Variants in ZNF267 observed in about 807,000 individuals in gnomAD.
ZNF267 encodes the protein zinc finger protein 267.
A neutral mutation model predicts 71.6 loss-of-function variants in ZNF267; 61 were observed. The ratio of observed to expected loss-of-function variants is 0.85; its 90% CI spans 0.69 to 1.05. The LOEUF (loss-of-function observed/expected upper bound fraction) is 1.05. Among genes scored for constraint, ZNF267 ranks in the 50% least tolerant of loss-of-function variants. The pLI is 0.00. For synonymous variants in ZNF267, 288 were observed against 293.2 expected (o/e 0.98, Z 0.18); for missense variants, 852 against 870.0 (o/e 0.98, Z 0.26).
In ZNF267 at chr16:31,914,668, A is replaced by G; in HGVS notation, c.419A>G (p.Asp140Gly). ...AAGACTTTTAAATATGATCAATTTG[A>G]TGAATCCTCTGTTGAAAGTTTGTTT... ...DEKTFKYDQFDESSVESLFHQ... is the reference protein window; with the variant it reads ...DEKTFKYDQFGESSVESLFHQ... The change falls in exon 4 of 4, where the codon GAT becomes GGT. Residue 140 changes from aspartate (D) to glycine (G), a missense_variant. Transcript: ENST00000300870. The G allele has an allele frequency of 2.5e-6, 4 of 1,614,072 alleles. No homozygotes were observed. Among genetic ancestry groups the G allele is most frequent in the Non-Finnish European group, 2.5e-6 (3 of 1,180,000 alleles).
At chr16:31,875,901 A>G (rs1596611863) in intron 1 of ZNF267, among the ~76,000 whole-genome samples, 1 of 152,224 alleles carries the variant, frequency 6.6e-6, no homozygotes. Context: ...GTCATACTTC[A>G]TTGTTAAAAA....
At chr16:31,887,325 T>G (rs1349041127) in intron 3 of ZNF267, among the ~76,000 whole-genome samples, 1 of 152,042 alleles carries the variant, frequency 6.6e-6, no homozygotes, top group Non-Finnish European at 1.5e-5. Context: ...ATCAGATCTA[T>G]TTTCTCCCAG....
chr16:31,908,063 A>C (rs1432966786), intron 3 of ZNF267, among the ~76,000 whole-genome samples: 1 of 151,974 alleles, frequency 6.6e-6, no homozygotes, highest in Non-Finnish European at 1.5e-5. Context: ...AATAATACTA[A>C]TAATAAATAC....
Position 31,916,746 on chromosome 16 carries a change from T to A in ZNF267, c.*265T>A, listed in dbSNP as rs1196466651. ...ACTATAGATGTAAAAATGTGAAAAG[T>A]TTTATTCAAAATATCAAACTTATGA... On this transcript the variant is annotated 3_prime_UTR_variant, in exon 4 of 4. Coordinates refer to ENST00000300870, the MANE Select transcript of ZNF267 (RefSeq NM_003414.6). 2.8e-6 allele frequency: 1 copy of A among 359,024 alleles called. No homozygotes were observed. The highest frequency in any genetic ancestry group is 4.9e-5 in the East Asian group (1 of 20,272). 22.2% of individuals were successfully genotyped at this position (359,024 alleles called of 1,614,324 possible). A position where few individuals can be genotyped will look rare whatever the true frequency, so the allele number is the denominator to read the frequency against.
At chr16:31,874,692 T>A (rs984584678) in intron 1 of ZNF267, among the ~76,000 whole-genome samples, 6 of 152,228 alleles carry the variant, frequency 3.9e-5, no homozygotes, top group Non-Finnish European at 7.3e-5. Context: ...CACTTCCGTA[T>A]AATCGCCTGC....
chr16:31,915,793 C>G lies in ZNF267; in HGVS notation c.1544C>G (p.Thr515Ser), dbSNP rs770747607. ...CTTACTCAACATCGGAAAATTCATA[C>G]TGGAGAAAATCTTTACAAATGCAAA... ...SCLTQHRKIHTGENLYKCKVC... is the reference protein window; with the variant it reads ...SCLTQHRKIHSGENLYKCKVC... The change falls in exon 4 of 4, where the codon ACT becomes AGT. Residue 515 changes from threonine to serine, a missense_variant. Thr to Ser is a moderately conservative substitution (Grantham distance 58). Coordinates refer to ENST00000300870, the MANE Select transcript of ZNF267 (RefSeq NM_003414.6). 2 of 1,613,228 alleles carry G rather than the reference C, an allele frequency of 1.2e-6. No homozygotes were observed. The highest frequency in any genetic ancestry group is 1.3e-5 in the African/African-American group (1 of 75,016).
chr16:31,893,671 G>T (rs1168787067), intron 3 of ZNF267, among the ~76,000 whole-genome samples: 1 of 152,196 alleles, frequency 6.6e-6, no homozygotes, highest in East Asian at 1.9e-4. Context: ...TGCCTTCAGG[G>T]ATGTCTCAGG....
intron 3 of ZNF267, among the ~76,000 whole-genome samples, chr16:31,909,984 A>G (rs941612936): frequency 6.6e-5 from 10 of 152,116 alleles, no homozygotes; most frequent in African/African-American, 2.2e-4. Flanking sequence ...AGGATGTTGA[A>G]TTTTATTAAA....
chr16:31,879,548 T>C (rs2083875667), intron 1 of ZNF267, among the ~76,000 whole-genome samples: 2 of 152,226 alleles, frequency 1.3e-5, no homozygotes, highest in South Asian at 4.1e-4. Context: ...GTACGATGCC[T>C]GTAAGACTTC....
At chr16:31,911,562 G>A (rs1448851140) in intron 3 of ZNF267, among the ~76,000 whole-genome samples, 1 of 151,298 alleles carries the variant, frequency 6.6e-6, no homozygotes, top group Non-Finnish European at 1.5e-5. Context: ...CTTTATAGAT[G>A]AAGTGTATTT....
intron 3 of ZNF267, among the ~76,000 whole-genome samples, chr16:31,887,929 A>G (rs1039385418): frequency 5.3e-5 from 8 of 152,156 alleles, no homozygotes; most frequent in African/African-American, 1.4e-4. Context: ...TAAAATGTCA[A>G]TACAGATTTC....
chr16:31,894,016 T>C (rs1446366880), intron 3 of ZNF267, among the ~76,000 whole-genome samples: 1 of 152,154 alleles, frequency 6.6e-6, no homozygotes, highest in Non-Finnish European at 1.5e-5. Flanking sequence ...AAGTCTACAG[T>C]GGGATGTGGC....
At chr16:31,889,168 T>TC (rs1421227324) in intron 3 of ZNF267, among the ~76,000 whole-genome samples, 6 of 151,382 alleles carry the variant, frequency 4.0e-5, no homozygotes, top group Non-Finnish European at 8.8e-5. Flanking sequence ...TCCTCTCTCT[T>TC]TTTTTTTCCC....
chr16:31,876,758 A>G (rs1203918744), intron 1 of ZNF267, among the ~76,000 whole-genome samples: 2 of 152,322 alleles, frequency 1.3e-5, no homozygotes, highest in East Asian at 3.9e-4. Context: ...CTCATTGAAT[A>G]CTAATTGAAT....
intron 3 of ZNF267, among the ~76,000 whole-genome samples, chr16:31,901,677 G>T (rs928815904): frequency 6.6e-5 from 10 of 152,148 alleles, no homozygotes; most frequent in Non-Finnish European, 1.5e-4. Flanking sequence ...TGAGTTCATT[G>T]TAGATTCTGG....
Position 31,885,206 on chromosome 16 carries a change from G to A in ZNF267, c.176G>A (p.Arg59Lys). 6.2e-7 allele frequency: 1 copy of A among 1,610,426 alleles called. No individual in the cohort carries two copies. The highest frequency in any genetic ancestry group is 1.1e-5 in the South Asian group (1 of 90,822). Residue 59 changes from arginine to lysine, a missense_variant, in exon 3 of 4, where the codon AGG (arginine) becomes AAG (lysine). Arg to Lys is a conservative substitution (Grantham distance 26). Coordinates refer to ENST00000300870, the MANE Select transcript of ZNF267 (RefSeq NM_003414.6). ...GACCTGATCACCTTTTTGGAACAAA[G>A]GAAAGAGCCTTGGAATGTGAAGAGT... ...KPDLITFLEQ[R>K]KEPWNVKSEE...
intron 3 of ZNF267, 39 bp from the exon 4 acceptor site, chr16:31,914,437 T>C (rs765989770): frequency 1.3e-6 from 2 of 1,488,540 alleles, no homozygotes; most frequent in Non-Finnish European, 1.8e-6. Flanking sequence ...TGTACCTGAA[T>C]ATAGTAATTG....
intron 3 of ZNF267, among the ~76,000 whole-genome samples, chr16:31,897,843 TTCCA>T (rs1304613378): frequency 1.3e-5 from 2 of 152,172 alleles, no homozygotes; most frequent in African/African-American, 4.8e-5. Context: ...TTTGTGTGAT[TTCCA>T]TCTGTTTAAA....
intron 3 of ZNF267, among the ~76,000 whole-genome samples, chr16:31,904,849 G>C (rs1179496324): frequency 1.3e-5 from 2 of 152,138 alleles, no homozygotes; most frequent in Non-Finnish European, 2.9e-5. Flanking sequence ...TGGTTATTTT[G>C]CTCATTAGTT....
Sources: gnomAD v4.1 joint callset for allele counts (sites outside exome capture counted in the v4.1 genomes callset) on GRCh38, gnomAD v4.1.1 for gene constraint, MANE v1.5 for transcripts, NCBI Gene and HGNC (gene_info 2026-07-23, HGNC 2026-07-21) for gene names.